The following SLC41A2 variants were observed in gnomAD, a reference collection of about 807,000 sequenced individuals.
SLC41A2 encodes SLC41A1-like 1.
In SLC41A2, 32 loss-of-function variants were observed where a neutral mutation model predicts 58.3. That is an observed-to-expected ratio of 0.55 (90% CI 0.41 to 0.74). The LOEUF is 0.74. SLC41A2 is among the 30% of genes least tolerant of loss of function. The probability of loss-of-function intolerance (pLI) is 0.00; values close to 1 mark genes in which losing one functional copy is unlikely to be tolerated. For missense variants in SLC41A2, 514 were observed against 680.6 expected, an observed-to-expected ratio of 0.76 and a Z score of 2.72; for synonymous variants, 190 against 235.0, an observed-to-expected ratio of 0.81 and a Z score of 1.75.
At chr12:104,908,442 T>C in intron 3 of SLC41A2, among the ~76,000 whole-genome samples, 1 of 152,198 alleles carries the variant, frequency 6.6e-6, no homozygotes, top group Middle Eastern at 3.2e-3. Context: ...AGCACAGTTG[T>C]TCAGTTCCCA....
chr12:104,861,432 T>C (rs2043208570), intron 7 of SLC41A2, 62 bp from the exon 8 acceptor site: 7 of 1,102,174 alleles, frequency 6.4e-6, no homozygotes, highest in African/African-American at 1.6e-5. Flanking sequence ...GAAGTTATTC[T>C]GTACATACAG....
chr12:104,947,823 T>C (rs1412856616), intron 1 of SLC41A2, among the ~76,000 whole-genome samples: 10 of 152,100 alleles, frequency 6.6e-5, no homozygotes, highest in African/African-American at 1.9e-4. Flanking sequence ...ATATCTCATA[T>C]ATATTTTAAT....
chr12:104,824,038 G>C (rs890388758), intron 10 of SLC41A2, among the ~76,000 whole-genome samples: 9 of 152,122 alleles, frequency 5.9e-5, no homozygotes, highest in Non-Finnish European at 1.3e-4. Context: ...GGAGGGGCAT[G>C]GTCCCTTTAA....
At chr12:104,833,669 A>G (rs941409283) in intron 10 of SLC41A2, among the ~76,000 whole-genome samples, 1 of 152,182 alleles carries the variant, frequency 6.6e-6, no homozygotes, top group Non-Finnish European at 1.5e-5. Context: ...TACCTTTGTT[A>G]CACTGAACTA....
At chr12:104,898,054 G>C (rs985399101) in intron 3 of SLC41A2, among the ~76,000 whole-genome samples, 3 of 152,092 alleles carry the variant, frequency 2.0e-5, no homozygotes, top group African/African-American at 7.2e-5. Context: ...AAATATAATA[G>C]GGCATGATCT....
intron 8 of SLC41A2, among the ~76,000 whole-genome samples, chr12:104,849,002 A>G (rs2042706991): frequency 6.6e-6 from 1 of 152,132 alleles, no homozygotes; most frequent in South Asian, 2.1e-4. Flanking sequence ...TGCTAAGATA[A>G]TTATTAATAT....
At chr12:104,955,081 C>CG (rs1173675782) in intron 1 of SLC41A2, among the ~76,000 whole-genome samples, 3 of 136,690 alleles carry the variant, frequency 2.2e-5, no homozygotes, top group Non-Finnish European at 3.0e-5. Context: ...GGCGTGATCT[C>CG]GGTTCACTGC....
At position 104,845,967 on chromosome 12, in the gene SLC41A2, A is replaced by G; in HGVS notation, c.1263T>C (p.Gly421=). 3 of 1,612,728 alleles carry G rather than the reference A, an allele frequency of 1.9e-6. No homozygotes were observed. Among genetic ancestry groups the G allele is most frequent in the Non-Finnish European group, 1.7e-6 (2 of 1,179,340 alleles). Residue 421 remains glycine (G), a synonymous_variant, in exon 9 of 11, where the codon GGT becomes GGC. Coordinates refer to ENST00000258538, the MANE Select transcript of SLC41A2 (RefSeq NM_001352171.3). The part of the protein sequence containing the change: ...VVYTPVINGI[G]GNLVAIQASR... ...TAGCCTGAATGGCCACCAAATTACC[A>G]CCAATACCTGAAACACAAGGAAAAA... is the stretch of plus-strand genomic sequence containing the variant.
chr12:104,874,591 A>C (rs1593046213), intron 6 of SLC41A2, among the ~76,000 whole-genome samples: 1 of 152,150 alleles, frequency 6.6e-6, no homozygotes. Flanking sequence ...CATTCTCCCA[A>C]CACCATTTAT....
chr12:104,916,031 G>A (rs1203108337), intron 2 of SLC41A2, among the ~76,000 whole-genome samples: 1 of 152,142 alleles, frequency 6.6e-6, no homozygotes, highest in African/African-American at 2.4e-5. Flanking sequence ...AGATAATCAT[G>A]TGGTTTTTGT....
upstream of SLC41A2, chr12:104,958,326 C>T (rs1236762288): frequency 6.7e-6 from 1 of 148,554 alleles, no homozygotes; most frequent in Admixed American, 6.7e-5. Flanking sequence ...CCCTGACTCC[C>T]CGCCGCCCCG....
rs13377813 is a variant in SLC41A2 at position 104,944,044 on chromosome 12, A to G, written c.-168+14044T>C. On this transcript the variant is annotated intron_variant, in intron 1 of 10. Transcript: ENST00000258538. ...TCGCTCTATTAAATCTTGCAACTAC[A>G]AAAAAAAGGGAAAAAAGGAAAAGGA... Among the ~76,000 whole-genome samples the G allele has an allele frequency of 3.3e-3, 500 of 151,876 alleles. 5 individuals carry two copies. Among genetic ancestry groups the G allele is most frequent in the African/African-American group, 0.012 (479 of 41,448 alleles).
chr12:104,952,219 T>C (rs2047983231), intron 1 of SLC41A2, among the ~76,000 whole-genome samples: 1 of 152,196 alleles, frequency 6.6e-6, no homozygotes, highest in Non-Finnish European at 1.5e-5. Flanking sequence ...ATTAAAGGTA[T>C]TTAGACTCTA....
At chr12:104,898,374 G>C (rs75597304) in intron 3 of SLC41A2, among the ~76,000 whole-genome samples, 4,477 of 151,880 alleles carry the variant, frequency 0.029, 191 homozygotes, top group African/African-American at 0.1. Flanking sequence ...GGATTTATTG[G>C]AGCTAAATAT....
chr12:104,932,605 A>G (rs913824009), intron 1 of SLC41A2, among the ~76,000 whole-genome samples: 1 of 143,004 alleles, frequency 7.0e-6, no homozygotes, highest in African/African-American at 2.7e-5. Flanking sequence ...AGCCTGGGTG[A>G]CGCAGTGAGA....
At chr12:104,958,390 G>A (rs2048258142), upstream of SLC41A2, 1 of 150,052 alleles carries the variant, frequency 6.7e-6, no homozygotes, top group Non-Finnish European at 1.5e-5. Flanking sequence ...GGGGAAGCCC[G>A]GGCCTTGGTG....
chr12:104,844,063 T>C (rs188240202), intron 10 of SLC41A2, among the ~76,000 whole-genome samples: 2 of 152,292 alleles, frequency 1.3e-5, no homozygotes, highest in Admixed American at 6.5e-5. Flanking sequence ...TTAGGACTTA[T>C]CGCACTGAAG....
At position 104,802,880 on chromosome 12, in the gene SLC41A2, G is replaced by A. The variant is rs545331360; in HGVS notation, c.*2272C>T. The A allele has an allele frequency of 6.6e-6, 1 of 152,136 alleles. No individual in the cohort carries two copies. The highest frequency in any genetic ancestry group is 1.5e-5 in the Non-Finnish European group (1 of 68,002). The allele number at this position is 152,136 out of a possible 1,614,324, so 9.4% of individuals were successfully genotyped here. Reference sequence around the variant, plus strand: ...GGTACATTTGGAGGGTCATAAACATGTCATAGAAAGAGTACTGGCATTATG... The same window carrying A: ...GGTACATTTGGAGGGTCATAAACATATCATAGAAAGAGTACTGGCATTATG... On this transcript the variant is annotated 3_prime_UTR_variant, in exon 11 of 11. Transcript: ENST00000258538.
chr12:104,818,807 G>T (rs1026666609), intron 10 of SLC41A2, among the ~76,000 whole-genome samples: 1 of 152,130 alleles, frequency 6.6e-6, no homozygotes, highest in African/African-American at 2.4e-5. Context: ...AACCCAGGGG[G>T]CAGAGGTTGC....
Sources: gnomAD v4.1 joint callset for allele counts (sites outside exome capture counted in the v4.1 genomes callset) on GRCh38, gnomAD v4.1.1 for gene constraint, MANE v1.5 for transcripts, NCBI Gene and HGNC (gene_info 2026-07-23, HGNC 2026-07-21) for gene names.